Variants in TTC7B observed in about 807,000 individuals in gnomAD.
The protein encoded by TTC7B is tetratricopeptide repeat domain 7B.
TTC7B carries 28 observed loss-of-function variants against 106.8 expected under a neutral mutation model. That is an observed-to-expected ratio of 0.26 (90% CI 0.19 to 0.36). TTC7B has a LOEUF of 0.36. TTC7B is among the 10% of genes least tolerant of loss of function. The pLI, the probability that TTC7B is intolerant of heterozygous loss-of-function variation, is 1.00. For missense variants in TTC7B, 862 were observed against 1,076.4 expected (o/e 0.80, Z 2.79); for synonymous variants, 405 against 430.6 (o/e 0.94, Z 0.74).
At chr14:90,752,435 A>G (rs1384718770) in intron 3 of TTC7B, among the ~76,000 whole-genome samples, 1 of 152,224 alleles carries the variant, frequency 6.6e-6, no homozygotes, top group East Asian at 1.9e-4. Flanking sequence ...AGGCCTGTAG[A>G]TTCTCTGGAA....
intron 6 of TTC7B, among the ~76,000 whole-genome samples, chr14:90,694,466 T>C (rs575894055): frequency 6.6e-6 from 1 of 151,826 alleles, no homozygotes; most frequent in Non-Finnish European, 1.5e-5. Context: ...CTAAAAACTT[T>C]AAATGAGTAA....
chr14:90,634,659 C>T (rs1424143738), intron 15 of TTC7B, among the ~76,000 whole-genome samples: 1 of 152,078 alleles, frequency 6.6e-6, no homozygotes, highest in African/African-American at 2.4e-5. Context: ...GTAGTCCCAC[C>T]TACTCGGGCG....
chr14:90,802,281 G>C lies in TTC7B; in HGVS notation c.121+13894C>G, dbSNP rs1219042233. ...GCTGGGCCAGTCCTTAGACAGCGAT[G>C]GGGGTTCAGGGAGCCTTTAGCAGGG... On this transcript the variant is annotated intron_variant, in intron 1 of 19. Coordinates refer to ENST00000328459, the MANE Select transcript of TTC7B (RefSeq NM_001010854.2). The surrounding 1 kb of genome is among the most constrained non-coding windows in gnomAD (Gnocchi z 4.7). 6.6e-6 allele frequency among the ~76,000 whole-genome samples: 1 copy of C among 152,106 alleles called. No homozygotes were observed. Among genetic ancestry groups the C allele is most frequent in the Non-Finnish European group, 1.5e-5 (1 of 67,998 alleles).
intron 18 of TTC7B, among the ~76,000 whole-genome samples, chr14:90,582,479 A>C (rs1380431034): frequency 6.6e-6 from 1 of 152,236 alleles, no homozygotes; most frequent in Non-Finnish European, 1.5e-5. Context: ...GATCAACCCT[A>C]GGCTGAGCAT....
Position 90,578,061 on chromosome 14 carries a change from G to A in TTC7B, c.2310+45C>T. The A allele has an allele frequency of 6.4e-7, 1 of 1,565,882 alleles. No homozygotes were observed. The highest frequency in any genetic ancestry group is 8.7e-7 in the Non-Finnish European group (1 of 1,154,710). ...GTGCTACCTGCCGCTTCCAAGGGCT[G>A]TCCCCATGCCAGAGTAGGGGCCACC... On this transcript the variant is annotated intron_variant, in intron 19 of 19. Transcript: ENST00000328459. This position sits in a 1 kb window ranked among gnomAD's most constrained non-coding sequence, Gnocchi z 4.7.
chr14:90,744,275 T>C (rs1889877067), intron 4 of TTC7B, among the ~76,000 whole-genome samples: 1 of 152,236 alleles, frequency 6.6e-6, no homozygotes, highest in South Asian at 2.1e-4. Flanking sequence ...GATGCTAAAA[T>C]GCTTCACAAA....
At chr14:90,554,547 C>A (rs984132926) in intron 19 of TTC7B, among the ~76,000 whole-genome samples, 7 of 152,196 alleles carry the variant, frequency 4.6e-5, no homozygotes, top group South Asian at 2.1e-4. Context: ...TGGTGCTGTG[C>A]CAGGTGCGGG....
intron 1 of TTC7B, among the ~76,000 whole-genome samples, chr14:90,787,675 C>T (rs939429346): frequency 6.6e-6 from 1 of 152,160 alleles, no homozygotes; most frequent in African/African-American, 2.4e-5. Flanking sequence ...AAAACAAAAG[C>T]CTTTTCCACA....
intron 6 of TTC7B, 64 bp downstream of exon 6, chr14:90,695,436 T>C: frequency 1.1e-6 from 1 of 876,530 alleles, no homozygotes; most frequent in Non-Finnish European, 1.7e-6. Context: ...TAAAAAAATA[T>C]GAATGTAAAT....
intron 3 of TTC7B, among the ~76,000 whole-genome samples, chr14:90,771,778 T>C (rs1890871923): frequency 6.6e-6 from 1 of 151,288 alleles, no homozygotes; most frequent in Non-Finnish European, 1.5e-5. Flanking sequence ...AGTAAATACA[T>C]ATAATGCGTG....
chr14:90,573,528 TCTCTCAGCTCACGGTCC>T (rs555497878), intron 19 of TTC7B, among the ~76,000 whole-genome samples: 4,845 of 39,200 alleles, frequency 0.12, 234 homozygotes, highest in Middle Eastern at 0.17. Flanking sequence ...GCTCACGGTC[TCTCTCAGCTCACGGTCC>T]CTCTCCGGCT....
intron 4 of TTC7B, among the ~76,000 whole-genome samples, chr14:90,744,157 A>G (rs78454201): frequency 0.013 from 1,948 of 152,360 alleles, 45 homozygotes; most frequent in African/African-American, 0.045. Context: ...CAGAGTCCAT[A>G]CAAGTACAAA....
Position 90,726,016 on chromosome 14 carries a change from GGAT to G in TTC7B, c.698+4056_698+4058del, listed in dbSNP as rs543433003. ...AACACTTTGGGAGGCCAAGGCAGGAGGATCACTTGAGCCCAGGAGTTCGAGGCT... is the reference window on the plus strand; with the variant it reads ...AACACTTTGGGAGGCCAAGGCAGGAGCACTTGAGCCCAGGAGTTCGAGGCT... On this transcript the variant is annotated intron_variant, in intron 5 of 19. Transcript: ENST00000328459. 2.6e-3 allele frequency among the ~76,000 whole-genome samples: 399 copies of G among 152,368 alleles called. 3 individuals are homozygous for G. The highest frequency in any genetic ancestry group is 4.1e-3 in the Non-Finnish European group (280 of 68,038).
chr14:90,774,762 G>A (rs1234870750), intron 3 of TTC7B, among the ~76,000 whole-genome samples: 2 of 152,234 alleles, frequency 1.3e-5, no homozygotes, highest in African/African-American at 4.8e-5. Context: ...CCGCTAGGCT[G>A]GGCGCGGTGG....
chr14:90,720,730 C>T (rs1218348386), intron 5 of TTC7B, among the ~76,000 whole-genome samples: 2 of 152,140 alleles, frequency 1.3e-5, no homozygotes, highest in South Asian at 2.1e-4. Flanking sequence ...ATTATATAAC[C>T]ATCTTTCTAA....
intron 1 of TTC7B, among the ~76,000 whole-genome samples, chr14:90,804,341 AAAAG>A (rs2030472049): frequency 6.6e-6 from 1 of 150,734 alleles, no homozygotes. Flanking sequence ...CAAAAAAAAA[AAAAG>A]AAAAGAAAAG....
chr14:90,725,957 C>G (rs906215933), intron 5 of TTC7B, among the ~76,000 whole-genome samples: 2 of 152,218 alleles, frequency 1.3e-5, no homozygotes, highest in African/African-American at 4.8e-5. Flanking sequence ...AATTGGCATC[C>G]CAGCTGGGCA....
chr14:90,633,871 A>AT (rs1175067936), intron 15 of TTC7B, among the ~76,000 whole-genome samples: 361 of 146,100 alleles, frequency 2.5e-3, no homozygotes, highest in Middle Eastern at 3.6e-3. Context: ...TACTTTGTTA[A>AT]TTTTTTTTTT....
chr14:90,618,534 G>A (rs1196423868), intron 15 of TTC7B, among the ~76,000 whole-genome samples: 3 of 152,184 alleles, frequency 2.0e-5, no homozygotes, highest in South Asian at 2.1e-4. Context: ...GGCAGCCTCC[G>A]GCATAGGCCC....
Sources: gnomAD v4.1 joint callset for allele counts (sites outside exome capture counted in the v4.1 genomes callset) on GRCh38, gnomAD v4.1.1 for gene constraint, Gnocchi (gnomAD v3.1) non-coding constraint, MANE v1.5 for transcripts, NCBI Gene and HGNC (gene_info 2026-07-23, HGNC 2026-07-21) for gene names.